Variants in NPM1 observed in about 807,000 individuals in gnomAD.
The protein encoded by NPM1 is nucleophosmin.
In NPM1, 1 loss-of-function variant was observed where a neutral mutation model predicts 44.1. The ratio of observed to expected loss-of-function variants is 0.02; its 90% CI spans 0.01 to 0.11. NPM1 has a LOEUF of 0.11. Among genes scored for constraint, NPM1 ranks in the 10% least tolerant of loss-of-function variants. The pLI is 1.00. For synonymous variants in NPM1, 126 were observed against 111.8 expected (o/e 1.13, Z -0.80); for missense variants, 197 against 347.8 (o/e 0.57, Z 3.45).
At chr5:171,398,606 A>G (rs185400891) in intron 6 of NPM1, among the ~76,000 whole-genome samples, 12 of 152,136 alleles carry the variant, frequency 7.9e-5, no homozygotes, top group Admixed American at 3.3e-4. Context: ...CCCTGTCTCT[A>G]CTAAAAATAC....
intron 6 of NPM1, among the ~76,000 whole-genome samples, chr5:171,396,810 G>T (rs1385466199): frequency 3.3e-5 from 5 of 152,138 alleles, no homozygotes; most frequent in African/African-American, 1.2e-4. Context: ...GTGAAACCCC[G>T]TCTCTGCTAA....
chr5:171,393,197 C>T (rs1310372167), intron 6 of NPM1, among the ~76,000 whole-genome samples: 1 of 152,152 alleles, frequency 6.6e-6, no homozygotes, highest in Admixed American at 6.5e-5. Context: ...AATGCTGTGA[C>T]TTGTGACTCT....
At chr5:171,397,874 A>C (rs1561869194) in intron 6 of NPM1, among the ~76,000 whole-genome samples, 1 of 148,350 alleles carries the variant, frequency 6.7e-6, no homozygotes, top group Admixed American at 6.7e-5. Context: ...GCTCACTGCA[A>C]CCTCCTCCTC....
chr5:171,389,311 AGAT>A (rs1390014029), intron 1 of NPM1, among the ~76,000 whole-genome samples: 1 of 152,266 alleles, frequency 6.6e-6, no homozygotes, highest in East Asian at 1.9e-4. Flanking sequence ...GGTAACGGTT[AGAT>A]GATAGTTAAA....
intron 6 of NPM1, among the ~76,000 whole-genome samples, chr5:171,394,041 C>CTTTTCT (rs1561866677): frequency 2.1e-5 from 2 of 97,078 alleles, no homozygotes; most frequent in African/African-American, 3.9e-5. Flanking sequence ...TTTTTGTTTT[C>CTTTTCT]TTTTTTTTTT....
At chr5:171,393,047 T>C (rs986991408) in intron 6 of NPM1, 69 bp downstream of exon 6, 7 of 1,538,306 alleles carry the variant, frequency 4.6e-6, no homozygotes, top group South Asian at 2.4e-5. Flanking sequence ...GACATAGTTA[T>C]ATGCATGAGG....
At chr5:171,387,654 C>A (rs776384407), upstream of NPM1, 134 of 453,406 alleles carry the variant, frequency 3.0e-4, 1 homozygote, top group Admixed American at 3.9e-5. Flanking sequence ...TACGAGTGCG[C>A]GTGCTCGGTG....
At chr5:171,399,952 A>G (rs1364396181) in intron 6 of NPM1, among the ~76,000 whole-genome samples, 3 of 152,214 alleles carry the variant, frequency 2.0e-5, no homozygotes, top group Non-Finnish European at 4.4e-5. Flanking sequence ...GTCATGTAGC[A>G]TGCAAGAGGA....
At chr5:171,391,539 AC>A in intron 3 of NPM1, 115 bp downstream of exon 3, 1 of 1,369,142 alleles carries the variant, frequency 7.3e-7, no homozygotes, top group Non-Finnish European at 1.0e-6. Flanking sequence ...ATCTTCTGTC[AC>A]TGGAGTTCGA....
intron 7 of NPM1, 104 bp from the exon 8 acceptor site, chr5:171,400,735 C>T (rs1771153935): frequency 2.7e-6 from 2 of 733,766 alleles, no homozygotes; most frequent in African/African-American, 3.5e-5. Context: ...CATGAGCCAC[C>T]ACGCCAAGCC....
At chr5:171,388,078 G>GGGGGGGGGTGGGGGGGGGC in intron 1 of NPM1, 72 bp downstream of exon 1, 1 of 616,750 alleles carries the variant, frequency 1.6e-6, no homozygotes, top group Non-Finnish European at 3.0e-6. Flanking sequence ...TGAGGGGCGG[G>GGGGGGGGGTGGGGGGGGGC]AATCCGGCTG....
intron 6 of NPM1, among the ~76,000 whole-genome samples, chr5:171,393,842 T>A (rs1770722196): frequency 6.6e-6 from 1 of 152,114 alleles, no homozygotes; most frequent in Non-Finnish European, 1.5e-5. Flanking sequence ...GCTTAAAAAT[T>A]CAAAGTATGA....
chr5:171,392,544 C>T (rs1770629265), intron 4 of NPM1, among the ~76,000 whole-genome samples, 166 bp from the exon 5 acceptor site: 1 of 151,768 alleles, frequency 6.6e-6, no homozygotes, highest in Non-Finnish European at 1.5e-5. Context: ...GAACATTAGG[C>T]CTCAAAATAC....
At chr5:171,408,930 C>T (rs188566913) in intron 10 of NPM1, among the ~76,000 whole-genome samples, 47 of 152,224 alleles carry the variant, frequency 3.1e-4, no homozygotes, top group Non-Finnish European at 6.0e-4. Flanking sequence ...ATAACAAAGG[C>T]TTGTAGCTAC....
intron 1 of NPM1, among the ~76,000 whole-genome samples, chr5:171,388,839 G>A (rs186513868): frequency 6.6e-6 from 1 of 152,196 alleles, no homozygotes; most frequent in African/African-American, 2.4e-5. Context: ...GGATACTGGT[G>A]CCCAGAGATA....
At chr5:171,406,436 C>T (rs1002484156) in intron 9 of NPM1, 20 of 1,612,314 alleles carry the variant, frequency 1.2e-5, no homozygotes, top group Non-Finnish European at 1.6e-5. Context: ...TAAATTAAGC[C>T]CAAAGATGGG....
chr5:171,405,160 A>G, intron 8 of NPM1, 142 bp from the exon 9 acceptor site: 1 of 606,222 alleles, frequency 1.6e-6, no homozygotes, highest in Non-Finnish European at 3.0e-6. Flanking sequence ...TATGGCGTGA[A>G]TTTATTGATG....
intron 8 of NPM1, among the ~76,000 whole-genome samples, chr5:171,402,893 A>G (rs1472033040): frequency 4.1e-5 from 6 of 147,732 alleles, no homozygotes; most frequent in African/African-American, 1.5e-4. Context: ...TATACAGCCT[A>G]CAGCACTGTA....
intron 8 of NPM1, among the ~76,000 whole-genome samples, chr5:171,403,747 A>C (rs1403106036): frequency 3.5e-5 from 4 of 113,622 alleles, no homozygotes; most frequent in Non-Finnish European, 5.4e-5. Context: ...TGACCCCCCC[A>C]CCTCCCTCCC....
Sources: gnomAD v4.1 joint callset for allele counts (sites outside exome capture counted in the v4.1 genomes callset) on GRCh38, gnomAD v4.1.1 for gene constraint, MANE v1.5 for transcripts, NCBI Gene and HGNC (gene_info 2026-07-23, HGNC 2026-07-21) for gene names.